FARP1: variants seen among roughly 807,000 people sequenced by gnomAD.
The protein encoded by FARP1 is FERM, ARH/RhoGEF and pleckstrin domain protein 1.
Under a neutral mutation model 128.8 loss-of-function variants are expected in FARP1, and 52 were observed. That is an observed-to-expected ratio of 0.40 (90% CI 0.32 to 0.51). FARP1 has a LOEUF of 0.51. Ranked by LOEUF, FARP1 falls within the 20% of genes least tolerant of loss-of-function variation. The pLI is 0.45. For missense variants in FARP1, 1,333 were observed against 1,367.9 expected, an observed-to-expected ratio of 0.97 and a Z score of 0.40; for synonymous variants, 580 against 551.8, an observed-to-expected ratio of 1.05 and a Z score of -0.72.
At chr13:98,344,645 A>G (rs1239712174) in intron 3 of FARP1, among the ~76,000 whole-genome samples, 1 of 152,180 alleles carries the variant, frequency 6.6e-6, no homozygotes, top group African/African-American at 2.4e-5. Context: ...AAACGGGATG[A>G]GAACATTCAT....
intron 16 of FARP1, among the ~76,000 whole-genome samples, chr13:98,415,729 A>G (rs1891348342): frequency 6.6e-6 from 1 of 152,270 alleles, no homozygotes; most frequent in Admixed American, 6.5e-5. Flanking sequence ...GAAAGGATTC[A>G]CCCTGGCTAC....
rs753802105 is a variant in FARP1 at position 98,176,394 on chromosome 13, C to T, written c.-24+32902C>T. On this transcript the variant is annotated intron_variant, in intron 1 of 26. Transcript: ENST00000319562. This position sits in a 1 kb window ranked among gnomAD's most constrained non-coding sequence, Gnocchi z 6.2. The stretch of plus-strand genomic sequence containing the variant: ...AGCGCGGGGTGGCCCGGAAGTGCTC[C>T]AGCGCGCAGCTCTCGCAGAAATAAT... The T allele has an allele frequency of 5.6e-6, 9 of 1,614,254 alleles. No homozygotes were observed. Among genetic ancestry groups the T allele is most frequent in the South Asian group, 5.5e-5 (5 of 91,082 alleles).
chr13:98,334,676 A>C (rs1211557580), intron 2 of FARP1, among the ~76,000 whole-genome samples: 2 of 152,128 alleles, frequency 1.3e-5, no homozygotes, highest in Non-Finnish European at 2.9e-5. Context: ...CTGTATTTGG[A>C]GTAAGGAAGT....
At chr13:98,256,156 C>A (rs150152871) in intron 2 of FARP1, among the ~76,000 whole-genome samples, 64 of 152,294 alleles carry the variant, frequency 4.2e-4, no homozygotes, top group African/African-American at 1.5e-3. Context: ...CAAAGAAAAT[C>A]ATAGGTCCAC....
intron 2 of FARP1, among the ~76,000 whole-genome samples, chr13:98,342,560 C>T (rs1334277045): frequency 2.0e-5 from 3 of 150,990 alleles, no homozygotes; most frequent in Non-Finnish European, 4.4e-5. Flanking sequence ...ATTAGCGGGG[C>T]ATGGTGGCAG....
rs79615310 is a variant in FARP1, at chr13:98,251,772, C to T, written c.171+38359C>T. Among the ~76,000 whole-genome samples, 985 of 151,928 alleles carry T rather than the reference C, an allele frequency of 6.5e-3. 16 individuals are homozygous for T. Among genetic ancestry groups the T allele is most frequent in the African/African-American group, 0.023 (951 of 41,406 alleles). Reference sequence around the variant, plus strand: ...CCTCCAGCATCACCTGTTGGCATCACGCAATTTGATAAAGTCCATGATAAA... The same window carrying T: ...CCTCCAGCATCACCTGTTGGCATCATGCAATTTGATAAAGTCCATGATAAA... On this transcript the variant is annotated intron_variant, in intron 2 of 26. Transcript: ENST00000319562.
At chr13:98,403,997 TCCA>T (rs922843665) in intron 13 of FARP1, 38 of 150,380 alleles carry the variant, frequency 2.5e-4, no homozygotes, top group Middle Eastern at 3.4e-3. Flanking sequence ...AAACACTGCC[TCCA>T]CCACCACCAC....
At chr13:98,350,640 C>A (rs1888378348) in intron 3 of FARP1, among the ~76,000 whole-genome samples, 1 of 152,174 alleles carries the variant, frequency 6.6e-6, no homozygotes, top group African/African-American at 2.4e-5. Context: ...CTGTGCTCCT[C>A]CAGTTCCTCC....
intron 16 of FARP1, among the ~76,000 whole-genome samples, chr13:98,412,965 G>T (rs1449798878): frequency 6.6e-6 from 1 of 152,208 alleles, no homozygotes; most frequent in Non-Finnish European, 1.5e-5. Flanking sequence ...GGCCTCAGGG[G>T]CCCTCAGTGA....
intron 2 of FARP1, among the ~76,000 whole-genome samples, chr13:98,283,739 A>G (rs1885046784): frequency 6.6e-6 from 1 of 152,228 alleles, no homozygotes; most frequent in Non-Finnish European, 1.5e-5. Flanking sequence ...TAGTTTATAT[A>G]TCTCTGCAGA....
chr13:98,377,243 A>G (rs947876878), intron 5 of FARP1, among the ~76,000 whole-genome samples: 15 of 151,794 alleles, frequency 9.9e-5, no homozygotes, highest in African/African-American at 3.4e-4. Flanking sequence ...TGGAGGTTTC[A>G]GTGAGGCGAG....
chr13:98,446,922 T>G (rs997373534), intron 26 of FARP1, 105 bp downstream of exon 26: 1 of 1,254,972 alleles, frequency 8.0e-7, no homozygotes, highest in African/African-American at 1.5e-5. Context: ...CACCCTTCCC[T>G]GCCAACTAAG....
rs142728422 is a variant in FARP1, at chr13:98,155,828, C to A, written c.-24+12336C>A. ...GCCACTGCGCCTGGCCCTGCTGTGG[C>A]TGCTTGCCAGCCATGGAAGTTATAC... On this transcript the variant is annotated intron_variant, in intron 1 of 26. Coordinates refer to ENST00000319562, the MANE Select transcript of FARP1 (RefSeq NM_005766.4). 3.5e-4 allele frequency among the ~76,000 whole-genome samples: 54 copies of A among 152,250 alleles called. 1 individual carries two copies. The highest frequency in any genetic ancestry group is 1.3e-3 in the African/African-American group (53 of 41,542).
At chr13:98,285,756 T>C (rs1594359397) in intron 2 of FARP1, among the ~76,000 whole-genome samples, 1 of 152,202 alleles carries the variant, frequency 6.6e-6, no homozygotes, top group East Asian at 1.9e-4. Context: ...GAGTTGAAAA[T>C]AAAATGCTTA....
intron 8 of FARP1, among the ~76,000 whole-genome samples, chr13:98,386,274 G>T (rs1310586118): frequency 2.0e-5 from 3 of 150,438 alleles, no homozygotes; most frequent in African/African-American, 7.4e-5. Flanking sequence ...AGAGTGTTAG[G>T]CACACTTTTA....
intron 1 of FARP1, among the ~76,000 whole-genome samples, chr13:98,207,020 C>T (rs1023089378): frequency 1.3e-5 from 2 of 152,164 alleles, no homozygotes; most frequent in African/African-American, 4.8e-5. Context: ...CATTTTATTA[C>T]TGGGCTTACC....
chr13:98,387,675 C>G (rs573302622), intron 8 of FARP1, among the ~76,000 whole-genome samples: 178 of 152,302 alleles, frequency 1.2e-3, no homozygotes, highest in African/African-American at 4.0e-3. Context: ...CAATGACTCC[C>G]TGGCTGCCAA....
Position 98,353,942 on chromosome 13 carries a change from A to C in FARP1, c.276+10076A>C, listed in dbSNP as rs150644028. ...AAATGAGTCATTCGAAGCTAATGAA[A>C]ATTAAACAAATGATTTAAAAATAGT... On this transcript the variant is annotated intron_variant, in intron 3 of 26. Coordinates refer to ENST00000319562, the MANE Select transcript of FARP1 (RefSeq NM_005766.4). Among the ~76,000 whole-genome samples, 43 of 152,350 alleles carry C rather than the reference A, an allele frequency of 2.8e-4. No homozygotes were observed. The East Asian group carries it at 7.9e-3, about 28-fold the overall frequency.
chr13:98,295,604 T>A (rs1250460181), intron 2 of FARP1, among the ~76,000 whole-genome samples: 1 of 152,208 alleles, frequency 6.6e-6, no homozygotes, highest in Non-Finnish European at 1.5e-5. Flanking sequence ...TTCTTATGCA[T>A]CTTTGACTTG....
Sources: allele counts gnomAD v4.1 joint callset (sites outside exome capture counted in the v4.1 genomes callset), GRCh38; gene constraint gnomAD v4.1.1; non-coding constraint Gnocchi (gnomAD v3.1); transcripts MANE v1.5; gene names NCBI Gene and HGNC (gene_info 2026-07-23, HGNC 2026-07-21).